The following PRKCE variants were observed in gnomAD, a reference collection of about 807,000 sequenced individuals.
The protein encoded by PRKCE is protein kinase C epsilon type.
In PRKCE, 16 loss-of-function variants were observed where a neutral mutation model predicts 85.4. The observed-to-expected ratio is 0.19, with a 90% CI of 0.13 to 0.28. The LOEUF (loss-of-function observed/expected upper bound fraction) is 0.28. PRKCE is among the 10% of genes least tolerant of loss of function. The probability of loss-of-function intolerance (pLI) is 1.00; values close to 1 mark genes in which losing one functional copy is unlikely to be tolerated. For missense variants in PRKCE, 573 were observed against 975.2 expected, an observed-to-expected ratio of 0.59 and a Z score of 5.49; for synonymous variants, 388 against 371.5, an observed-to-expected ratio of 1.04 and a Z score of -0.51.
chr2:45,998,588 G>GT (rs930017888), intron 6 of PRKCE, among the ~76,000 whole-genome samples: 37 of 151,658 alleles, frequency 2.4e-4, no homozygotes, highest in African/African-American at 8.2e-4. Flanking sequence ...GTTGGGTCTT[G>GT]TTTTTTTTGA....
chr2:45,782,311 G>C (rs1280373035), intron 1 of PRKCE, among the ~76,000 whole-genome samples: 3 of 152,112 alleles, frequency 2.0e-5, no homozygotes, highest in African/African-American at 7.2e-5. Flanking sequence ...TTTTCAGGGA[G>C]GCAGTATGGT....
chr2:45,881,444 CTTAAATGTT>C, intron 2 of PRKCE, among the ~76,000 whole-genome samples: 1 of 152,224 alleles, frequency 6.6e-6, no homozygotes, highest in African/African-American at 2.4e-5. Flanking sequence ...TATAATGGTA[CTTAAATGTT>C]ATTTAAGTAC....
chr2:45,740,146 T>G (rs1173473597), intron 1 of PRKCE, among the ~76,000 whole-genome samples: 1 of 56,208 alleles, frequency 1.8e-5, no homozygotes, highest in Admixed American at 1.6e-4. Flanking sequence ...AGACCCCATC[T>G]CAAAAAAAAA....
chr2:45,655,644 A>T (rs1675342059), intron 1 of PRKCE, among the ~76,000 whole-genome samples: 1 of 152,136 alleles, frequency 6.6e-6, no homozygotes, highest in South Asian at 2.1e-4. Context: ...TAGGCAACGT[A>T]GTAAGACTCC....
At chr2:45,899,830 G>T (rs1341295391) in intron 2 of PRKCE, among the ~76,000 whole-genome samples, 1 of 152,198 alleles carries the variant, frequency 6.6e-6, no homozygotes, top group Non-Finnish European at 1.5e-5. Context: ...AGAAAAGCCT[G>T]ACACCACCTG....
chr2:45,791,298 C>A (rs147736109), intron 1 of PRKCE, among the ~76,000 whole-genome samples: 2 of 152,140 alleles, frequency 1.3e-5, no homozygotes, highest in Non-Finnish European at 2.9e-5. Flanking sequence ...TAACAGAACG[C>A]GAGAGATGGA....
chr2:46,137,473 G>T (rs1189060088), intron 11 of PRKCE, among the ~76,000 whole-genome samples: 1 of 151,972 alleles, frequency 6.6e-6, no homozygotes, highest in Non-Finnish European at 1.5e-5. Flanking sequence ...TTTGTTTGCT[G>T]GGCACGGTGG....
rs182184812 is a variant in PRKCE at position 46,081,766 on chromosome 2, G to A, written c.1438-4442G>A. 5.3e-4 allele frequency among the ~76,000 whole-genome samples: 81 copies of A among 152,322 alleles called. 1 individual carries two copies. Among genetic ancestry groups the A allele is most frequent in the Admixed American group, 4.4e-3 (67 of 15,302 alleles). ...TTTGAAGCATATTAGAGAGTTTTCC[G>A]TTTATTCCTAGAGTAACAGGGAGAC... On this transcript the variant is annotated intron_variant, in intron 10 of 14. Coordinates refer to ENST00000306156, the MANE Select transcript of PRKCE (RefSeq NM_005400.3).
intron 10 of PRKCE, among the ~76,000 whole-genome samples, chr2:46,026,782 A>G (rs1707143518): frequency 6.6e-6 from 1 of 152,230 alleles, no homozygotes; most frequent in African/African-American, 2.4e-5. Context: ...ACAGAAGGAA[A>G]GAAGCAAGTC....
At chr2:46,097,337 G>A (rs1220611889) in intron 11 of PRKCE, among the ~76,000 whole-genome samples, 1 of 151,418 alleles carries the variant, frequency 6.6e-6, no homozygotes, top group African/African-American at 2.4e-5. Context: ...GCTAACGCGG[G>A]GAAACCCCGT....
In PRKCE at chr2:46,012,687, G is replaced by C. The variant is rs1033429896; in HGVS notation, c.1437+2170G>C. 2.0e-5 allele frequency among the ~76,000 whole-genome samples: 3 copies of C among 152,208 alleles called. No homozygotes were observed. In the South Asian group the frequency reaches 6.2e-4, roughly 32 times the overall value. On this transcript the variant is annotated intron_variant, in intron 10 of 14. Coordinates refer to ENST00000306156, the MANE Select transcript of PRKCE (RefSeq NM_005400.3). ...TGAGGGCTCTATGGAGCCCCTGTAC[G>C]TGGTGGATCATGGGAAGCCACGTTG...
In PRKCE at chr2:45,652,066, C is replaced by A; in HGVS notation, c.-35C>A. The A allele has an allele frequency of 2.0e-6, 3 of 1,467,592 alleles. No homozygotes were observed. The highest frequency in any genetic ancestry group is 2.3e-5 in the East Asian group (1 of 43,700). The allele number at this position is 1,467,592 out of a possible 1,614,324, so 90.9% of individuals were successfully genotyped here. ...TCTTCATTCCTGCCCTCGGGGCAGA[C>A]GGAGTGACCCCGGCCCCCACTCCCC... is the stretch of plus-strand genomic sequence containing the variant. On this transcript the variant is annotated 5_prime_UTR_variant, in exon 1 of 15. Coordinates refer to ENST00000306156, the MANE Select transcript of PRKCE (RefSeq NM_005400.3). This position sits in a 1 kb window ranked among gnomAD's most constrained non-coding sequence, Gnocchi z 7.7.
At chr2:45,941,461 A>G (rs1158896278) in intron 2 of PRKCE, among the ~76,000 whole-genome samples, 2 of 152,244 alleles carry the variant, frequency 1.3e-5, no homozygotes, top group African/African-American at 4.8e-5. Context: ...GAGATCATAC[A>G]GACCTACATC....
At chr2:45,684,437 G>T (rs190182935) in intron 1 of PRKCE, among the ~76,000 whole-genome samples, 63 of 152,318 alleles carry the variant, frequency 4.1e-4, no homozygotes, top group Non-Finnish European at 8.5e-4. Flanking sequence ...ATCTGACCTA[G>T]ACTCTCTATA....
chr2:46,007,312 G>T, intron 8 of PRKCE, 150 bp from the exon 9 acceptor site: 1 of 738,114 alleles, frequency 1.4e-6, no homozygotes, highest in Non-Finnish European at 2.2e-6. Flanking sequence ...AACAGATGAA[G>T]GAACATACAA....
At chr2:46,144,997 T>G in intron 11 of PRKCE, 96 bp from the exon 12 acceptor site, 1 of 1,541,060 alleles carries the variant, frequency 6.5e-7, no homozygotes, top group Non-Finnish European at 8.8e-7. Context: ...ACTTTTTTGC[T>G]GGAGATTTCC....
chr2:45,653,367 GTTGT>G (rs1675218309), intron 1 of PRKCE, among the ~76,000 whole-genome samples: 1 of 48,434 alleles, frequency 2.1e-5, no homozygotes, highest in Admixed American at 2.3e-4. Context: ...TTGTTTTTGG[GTTGT>G]TTTTTTTTTT....
At chr2:46,134,398 G>C (rs1047297742) in intron 11 of PRKCE, among the ~76,000 whole-genome samples, 1 of 152,174 alleles carries the variant, frequency 6.6e-6, no homozygotes, top group Non-Finnish European at 1.5e-5. Context: ...GATGGATGAG[G>C]CTAGAAGGCC....
chr2:45,965,082 C>G (rs1371346175), intron 2 of PRKCE, among the ~76,000 whole-genome samples: 1 of 152,206 alleles, frequency 6.6e-6, no homozygotes. Context: ...AATCTCAAAC[C>G]TCTCCTCTCA....
Sources: allele counts gnomAD v4.1 joint callset (sites outside exome capture counted in the v4.1 genomes callset), GRCh38; gene constraint gnomAD v4.1.1; non-coding constraint Gnocchi (gnomAD v3.1); transcripts MANE v1.5; gene names NCBI Gene and HGNC (gene_info 2026-07-23, HGNC 2026-07-21).